EPM2A: variants seen among roughly 807,000 people sequenced by gnomAD.
The protein encoded by EPM2A is laforin.
In EPM2A, 21 loss-of-function variants were observed where a neutral mutation model predicts 26.5. The ratio of observed to expected loss-of-function variants is 0.79; its 90% confidence interval spans 0.56 to 1.14. EPM2A has a LOEUF of 1.14. EPM2A is among the 50% of genes most tolerant of loss of function. The pLI, the probability that EPM2A is intolerant of heterozygous loss-of-function variation, is 0.00. For missense variants in EPM2A, 458 were observed against 440.8 expected, an observed-to-expected ratio of 1.04 and a Z score of -0.35; for synonymous variants, 217 against 177.6, an observed-to-expected ratio of 1.22 and a Z score of -1.76.
chr6:145,425,468 C>A (rs915779915), intron 4 of EPM2A, among the ~76,000 whole-genome samples: 14 of 151,974 alleles, frequency 9.2e-5, no homozygotes, highest in South Asian at 2.1e-4. Context: ...AGTCACCATG[C>A]CTGGCTATAA....
At chr6:145,527,001 T>G (rs754837932) in intron 2 of EPM2A, among the ~76,000 whole-genome samples, 4 of 152,126 alleles carry the variant, frequency 2.6e-5, no homozygotes, top group African/African-American at 7.2e-5. Flanking sequence ...TTTCATTTAC[T>G]TCAAATGATT....
downstream of EPM2A, among the ~76,000 whole-genome samples, chr6:145,620,386 T>G (rs1775607573): frequency 6.6e-6 from 1 of 152,138 alleles, no homozygotes; most frequent in Non-Finnish European, 1.5e-5. Context: ...GCCACTCACT[T>G]CCTGCTGTGT....
chr6:145,659,811 G>A (rs917433286), intron 2 of EPM2A, among the ~76,000 whole-genome samples: 15 of 152,296 alleles, frequency 9.8e-5, no homozygotes, highest in African/African-American at 3.1e-4. Context: ...CCAGCCAATC[G>A]CAGGCACCCA....
At chr6:145,468,074 A>C (rs1359021390) in intron 4 of EPM2A, among the ~76,000 whole-genome samples, 1 of 152,010 alleles carries the variant, frequency 6.6e-6, no homozygotes, top group Non-Finnish European at 1.5e-5. Context: ...CAATGAATAC[A>C]TGTGTCTGTC....
chr6:145,446,636 C>A (rs1241325043), intron 4 of EPM2A, among the ~76,000 whole-genome samples: 2 of 152,104 alleles, frequency 1.3e-5, no homozygotes, highest in African/African-American at 4.8e-5. Context: ...ACCTCCTTGG[C>A]AGGATTACTT....
At chr6:145,590,657 A>G (rs1187075300) in intron 2 of EPM2A, among the ~76,000 whole-genome samples, 7 of 152,164 alleles carry the variant, frequency 4.6e-5, no homozygotes, top group Non-Finnish European at 1.5e-5. Flanking sequence ...TCTGAAGATA[A>G]CAGGAGAGAC....
chr6:145,609,084 G>A (rs1775334235), intron 2 of EPM2A, among the ~76,000 whole-genome samples: 1 of 152,192 alleles, frequency 6.6e-6, no homozygotes, highest in Non-Finnish European at 1.5e-5. Context: ...TGGGAGAGGA[G>A]GTGATGGTAT....
chr6:145,688,586 A>G (rs930530041), intron 1 of EPM2A, among the ~76,000 whole-genome samples: 14 of 152,298 alleles, frequency 9.2e-5, no homozygotes, highest in Admixed American at 9.2e-4. Flanking sequence ...TGACATTAAG[A>G]CCAGAAATCT....
rs370750611 is a variant in EPM2A, at chr6:145,635,226, G to T, written c.718+19C>A. 6.2e-7 allele frequency: 1 copy of T among 1,613,984 alleles called. No individual in the cohort carries two copies. Among genetic ancestry groups the T allele is most frequent in the South Asian group, 1.1e-5 (1 of 91,030 alleles). Reference sequence around the variant, plus strand: ...TTCTCTGAAATACAGCAAGGAGGCAGAACAGTTCTGATCCTTACCTTCGGT... The same window carrying T: ...TTCTCTGAAATACAGCAAGGAGGCATAACAGTTCTGATCCTTACCTTCGGT... On this transcript the variant is annotated intron_variant, in intron 3 of 3. Transcript: ENST00000367519.
At position 145,502,439 on chromosome 6, in the gene EPM2A, C is replaced by T. The variant is rs1201268033; in HGVS notation, c.394+83G>A. 6 of 458,520 alleles carry T rather than the reference C, an allele frequency of 1.3e-5. No individual in the cohort carries two copies. The Admixed American group carries it at 1.4e-4, about 11-fold the overall frequency. The allele number at this position is 458,520 out of a possible 1,614,324, so 28.4% of individuals were successfully genotyped here. A position where few individuals can be genotyped will look rare whatever the true frequency, so the allele number is the denominator to read the frequency against. On this transcript the variant is annotated intron_variant, in intron 3 of 3. Coordinates refer to the EPM2A transcript ENST00000450221. ...AGTGTCCTCTGAATGACTGCACAGCCCCCAAATATATGACTTTCCTGAAGA... is the reference window on the plus strand; with the variant it reads ...AGTGTCCTCTGAATGACTGCACAGCTCCCAAATATATGACTTTCCTGAAGA...
chr6:145,465,899 A>T (rs1024338046), intron 4 of EPM2A, among the ~76,000 whole-genome samples: 1 of 152,232 alleles, frequency 6.6e-6, no homozygotes, highest in Non-Finnish European at 1.5e-5. Flanking sequence ...AGGATTCCCT[A>T]TTTAATAAAT....
chr6:145,658,987 C>T (rs1300076816), intron 2 of EPM2A, among the ~76,000 whole-genome samples: 1 of 152,020 alleles, frequency 6.6e-6, no homozygotes, highest in Non-Finnish European at 1.5e-5. Context: ...ATATAAGAGG[C>T]GTTAGTTAAC....
downstream of EPM2A, among the ~76,000 whole-genome samples, chr6:145,498,570 T>C (rs947261881): frequency 6.6e-6 from 1 of 152,170 alleles, no homozygotes; most frequent in Admixed American, 6.5e-5. Context: ...GGGAGAATCA[T>C]GGTTTCCCAG....
At chr6:145,399,488 T>G (rs1018567680) in intron 4 of EPM2A, among the ~76,000 whole-genome samples, 1 of 152,194 alleles carries the variant, frequency 6.6e-6, no homozygotes, top group African/African-American at 2.4e-5. Context: ...AGAGACTTAG[T>G]GGCAGAAACT....
chr6:145,608,144 T>A (rs1775308548), intron 2 of EPM2A, among the ~76,000 whole-genome samples: 1 of 152,240 alleles, frequency 6.6e-6, no homozygotes, highest in Non-Finnish European at 1.5e-5. Flanking sequence ...TTCACATAAC[T>A]TTTATTACAG....
intron 4 of EPM2A, chr6:145,463,537 C>A (rs1477443410): frequency 1.3e-5 from 2 of 151,264 alleles, no homozygotes; most frequent in Non-Finnish European, 2.9e-5. Flanking sequence ...TAATTCTATA[C>A]CTAATATCAC....
chr6:145,516,177 T>C (rs748900178), intron 2 of EPM2A, among the ~76,000 whole-genome samples: 1 of 152,206 alleles, frequency 6.6e-6, no homozygotes, highest in Non-Finnish European at 1.5e-5. Flanking sequence ...TATTACCATA[T>C]TCTCATTAAC....
At chr6:145,487,493 C>T (rs1451474642) in intron 4 of EPM2A, among the ~76,000 whole-genome samples, 6 of 152,138 alleles carry the variant, frequency 3.9e-5, no homozygotes, top group East Asian at 1.9e-4. Flanking sequence ...TCTGCAACAT[C>T]GCCAGCATCT....
intron 4 of EPM2A, among the ~76,000 whole-genome samples, chr6:145,440,101 T>C (rs895993818): frequency 6.6e-6 from 1 of 152,286 alleles, no homozygotes; most frequent in East Asian, 1.9e-4. Flanking sequence ...ATGCTGCTAA[T>C]GAAGACATAC....
Sources: allele counts gnomAD v4.1 joint callset (sites outside exome capture counted in the v4.1 genomes callset), GRCh38; gene constraint gnomAD v4.1.1; transcripts MANE v1.5; gene names NCBI Gene and HGNC (gene_info 2026-07-23, HGNC 2026-07-21).